The following GRIPAP1 variants were observed in gnomAD, a reference collection of about 807,000 sequenced individuals.
GRIPAP1 encodes the protein GRIP1 associated protein 1.
In GRIPAP1, 14 loss-of-function variants were observed where a neutral mutation model predicts 84.1. The observed-to-expected ratio is 0.17, with a 90% CI of 0.11 to 0.26. The LOEUF (loss-of-function observed/expected upper bound fraction) is 0.26, where lower values mean the gene tolerates loss of function less well. Among genes scored for constraint, GRIPAP1 ranks in the 10% least tolerant of loss-of-function variants. GRIPAP1 has a pLI of 1.00. For synonymous variants in GRIPAP1, 261 were observed against 256.8 expected (o/e 1.02, Z -0.15); for missense variants, 518 against 674.2 (o/e 0.77, Z 2.57).
chrX:48,992,295 C>T (rs1319647995), intron 6 of GRIPAP1, among the ~76,000 whole-genome samples: 6 of 112,503 alleles, frequency 5.3e-5, no homozygotes, highest in Non-Finnish European at 1.1e-4. Flanking sequence ...TGTGAAACAC[C>T]GTGCCTGGCC....
intron 4 of GRIPAP1, 103 bp downstream of exon 4, chrX:48,998,051 A>T: frequency 1.6e-6 from 1 of 613,844 alleles, no homozygotes; most frequent in Non-Finnish European, 2.8e-6. Context: ...GCAGATGTAA[A>T]GGCACACAAA....
chrX:48,988,077 C>A, intron 12 of GRIPAP1, 44 bp downstream of exon 12: 1 of 1,036,028 alleles, frequency 9.7e-7, no homozygotes, highest in African/African-American at 1.8e-5. Flanking sequence ...CAGGCTGCCC[C>A]CATCCTGAAC....
rs1439792883 is a variant in GRIPAP1 at position 48,979,695 on chromosome X, CCT to C, written c.1931-1262_1931-1261del. 3.8e-5 allele frequency among the ~76,000 whole-genome samples: 4 copies of C among 104,938 alleles called. No individual in the cohort carries two copies. In the East Asian group the frequency reaches 1.2e-3, roughly 32 times the overall value. The allele number at this position is 104,938 out of a possible 115,157, so 91.1% of individuals were successfully genotyped here. ...GGCGCAATCTCGGCTCACTGCAACCCCTGCCTCCTGGGTTCAGGCAATTCTCC... is the reference window on the plus strand; with the variant it reads ...GGCGCAATCTCGGCTCACTGCAACCCGCCTCCTGGGTTCAGGCAATTCTCC... On this transcript the variant is annotated intron_variant, in intron 21 of 25. Coordinates refer to ENST00000376423, the MANE Select transcript of GRIPAP1 (RefSeq NM_020137.5).
At chrX:48,983,486 A>G (rs974649029) in intron 15 of GRIPAP1, 46 bp from the exon 16 acceptor site, 2 of 1,069,543 alleles carry the variant, frequency 1.9e-6, no homozygotes, top group Non-Finnish European at 2.6e-6. Context: ...ACAACATCGA[A>G]AAAAGGCCTC....
At position 48,997,366 on chromosome X, in the gene GRIPAP1, G is replaced by A; in HGVS notation, c.199-9C>T. ...AGCAATACCTCGACTTCCTGCAGTG[G>A]CAGACAAGGGCCAGGACTCCAGCAA... On this transcript the variant is annotated splice_polypyrimidine_tract_variant and intron_variant, in intron 4 of 25. Coordinates refer to ENST00000376423, the MANE Select transcript of GRIPAP1 (RefSeq NM_020137.5). 1 of 1,016,764 alleles carries A rather than the reference G, an allele frequency of 9.8e-7. No individual in the cohort carries two copies. Among genetic ancestry groups the A allele is most frequent in the South Asian group, 2.0e-5 (1 of 49,847 alleles). The allele number at this position is 1,016,764 out of a possible 1,213,427, so 83.8% of individuals were successfully genotyped here.
At chrX:48,990,536 G>T in intron 8 of GRIPAP1, 149 bp downstream of exon 8, 1 of 475,913 alleles carries the variant, frequency 2.1e-6, no homozygotes. Context: ...AAGTAACTCT[G>T]AGACATAGGT....
At position 48,993,570 on chromosome X, in the gene GRIPAP1, G is replaced by A; in HGVS notation, c.315C>T (p.Ser105=). 8.6e-7 allele frequency: 1 copy of A among 1,156,109 alleles called. No homozygotes were observed. Residue 105 remains serine, a synonymous_variant, in exon 6 of 26, where the codon AGC becomes AGT. Coordinates refer to ENST00000376423, the MANE Select transcript of GRIPAP1 (RefSeq NM_020137.5). ...TCTCTTGCTCCAGCTGTTCCATCTG[G>A]CTGCAGAGCTGAACAGAGGAAGAGA... ...TLMAEFSKLC[S]QMEQLEQENQ...
chrX:49,002,236 CCCCCCA>C lies in GRIPAP1; in HGVS notation c.-13_-8del. On this transcript the variant is annotated 5_prime_UTR_variant, in exon 1 of 26. Coordinates refer to ENST00000376423, the MANE Select transcript of GRIPAP1 (RefSeq NM_020137.5). ...CAGACAGAGCTTGCGCCATGTTCCT[CCCCCCA>C]CCCCCCCGCCAGCTTTCTGCGCAGA... The C allele has an allele frequency of 9.4e-7, 1 of 1,058,703 alleles. No homozygotes were observed. Among genetic ancestry groups the C allele is most frequent in the Non-Finnish European group, 1.3e-6 (1 of 766,731 alleles). 87.2% of individuals were successfully genotyped at this position (1,058,703 alleles called of 1,213,427 possible).
intron 17 of GRIPAP1, among the ~76,000 whole-genome samples, chrX:48,982,383 G>T (rs1417210509): frequency 8.9e-6 from 1 of 112,193 alleles, no homozygotes; most frequent in Non-Finnish European, 1.9e-5. Flanking sequence ...TGGCAACAAA[G>T]GTTCTTTTTC....
At chrX:48,977,287 AAG>A (rs1319278836) in intron 22 of GRIPAP1, 4 of 110,826 alleles carry the variant, frequency 3.6e-5, no homozygotes, top group African/African-American at 9.9e-5. Context: ...AGGTTTTAAA[AAG>A]AGAGAGAATT....
rs1220095074 is a variant in GRIPAP1, at chrX:48,997,408, G to A, written c.199-51C>T. Reference sequence around the variant, plus strand: ...CTCCAGCAAGGGCAAAAAGGATAGGGAGGTAGGGCAAAGAAACAGAGAGAG... The same window carrying A: ...CTCCAGCAAGGGCAAAAAGGATAGGAAGGTAGGGCAAAGAAACAGAGAGAG... On this transcript the variant is annotated intron_variant, in intron 4 of 25. Transcript: ENST00000376423. 7 of 684,450 alleles carry A rather than the reference G, an allele frequency of 1.0e-5. No individual in the cohort carries two copies. The East Asian group carries it at 2.5e-4, about 24-fold the overall frequency. The allele number at this position is 684,450 out of a possible 1,213,427, so 56.4% of individuals were successfully genotyped here. A position where few individuals can be genotyped will look rare whatever the true frequency, so the allele number is the denominator to read the frequency against.
At position 48,989,840 on chromosome X, in the gene GRIPAP1, G is replaced by A. The variant is rs781788246; in HGVS notation, c.765C>T (p.Asp255=). 5.8e-6 allele frequency: 7 copies of A among 1,207,277 alleles called. No homozygotes were observed. The Admixed American group carries it at 8.8e-5, about 15-fold the overall frequency. The change falls in exon 10 of 26, where the codon GAC becomes GAT. Residue 255 remains aspartate, a synonymous_variant. Coordinates refer to ENST00000376423, the MANE Select transcript of GRIPAP1 (RefSeq NM_020137.5). ...CCCGCAAATCTGGCAGTTACCTGCTGTCATTAAACAGAGTCTCCTTTTCTG... is the reference window on the plus strand; with the variant it reads ...CCCGCAAATCTGGCAGTTACCTGCTATCATTAAACAGAGTCTCCTTTTCTG... ...LQTEKETLFN[D]SRNKIEELQQ...
intron 21 of GRIPAP1, among the ~76,000 whole-genome samples, chrX:48,978,647 A>C (rs1242058672): frequency 9.0e-6 from 1 of 111,326 alleles, no homozygotes; most frequent in East Asian, 2.8e-4. Flanking sequence ...TAATCCCAGC[A>C]CTTTGGGAGG....
At chrX:48,995,553 T>C (rs1557066561) in intron 5 of GRIPAP1, among the ~76,000 whole-genome samples, 1 of 111,057 alleles carries the variant, frequency 9.0e-6, no homozygotes, top group Non-Finnish European at 1.9e-5. Context: ...AGATGATAAG[T>C]GGTAGAGGCT....
At chrX:48,990,886 C>T (rs369024335) in intron 7 of GRIPAP1, 40 bp downstream of exon 7, 1 of 1,085,421 alleles carries the variant, frequency 9.2e-7, no homozygotes, top group Non-Finnish European at 1.2e-6. Flanking sequence ...AACATCTGCC[C>T]TGCCTTCTGG....
chrX:48,999,652 A>C, intron 1 of GRIPAP1, 148 bp from the exon 2 acceptor site: 1 of 447,549 alleles, frequency 2.2e-6, no homozygotes, highest in Non-Finnish European at 3.9e-6. Context: ...GCTACACCCA[A>C]AGTGACCTTC....
chrX:48,979,503 G>C (rs1294233726), intron 21 of GRIPAP1, among the ~76,000 whole-genome samples: 1 of 52,252 alleles, frequency 1.9e-5, no homozygotes, highest in Admixed American at 3.8e-4. Flanking sequence ...AAAAAAAAAA[G>C]AAATGCAAGC....
At chrX:48,975,342 G>A (rs369875028) in intron 24 of GRIPAP1, 33 bp from the exon 25 acceptor site, 12 of 1,187,173 alleles carry the variant, frequency 1.0e-5, no homozygotes, top group South Asian at 1.8e-5. Context: ...CCACCCCCTC[G>A]GCAGAGCCAG....
intron 24 of GRIPAP1, chrX:48,975,548 G>A: frequency 2.6e-6 from 1 of 378,764 alleles, no homozygotes. Context: ...TGTATGTGAA[G>A]CACAGAGCAC....
Sources: allele counts gnomAD v4.1 joint callset (sites outside exome capture counted in the v4.1 genomes callset), GRCh38; gene constraint gnomAD v4.1.1; transcripts MANE v1.5; gene names NCBI Gene and HGNC (gene_info 2026-07-23, HGNC 2026-07-21).